PLOD1: variants seen among roughly 807,000 people sequenced by gnomAD.
The protein encoded by PLOD1 is lysine hydroxylase.
In PLOD1, 70 loss-of-function variants were observed where a neutral mutation model predicts 94.7. That is an observed-to-expected ratio of 0.74 (90% confidence interval 0.61 to 0.90). The LOEUF (loss-of-function observed/expected upper bound fraction) is 0.90, where lower values mean the gene tolerates loss of function less well. PLOD1 is among the 40% of genes least tolerant of loss of function. The pLI is 0.00. For missense variants in PLOD1, 905 were observed against 972.7 expected, an observed-to-expected ratio of 0.93 and a Z score of 0.93; for synonymous variants, 417 against 400.2, an observed-to-expected ratio of 1.04 and a Z score of -0.50.
In PLOD1 at chr1:11,946,415, A is replaced by G. The variant is rs527455363; in HGVS notation, c.77-1561A>G. 5.3e-5 allele frequency among the ~76,000 whole-genome samples: 8 copies of G among 152,310 alleles called. No homozygotes were observed. The South Asian group carries it at 1.7e-3, about 32-fold the overall frequency. On this transcript the variant is annotated intron_variant, in intron 1 of 18. Coordinates refer to ENST00000196061, the MANE Select transcript of PLOD1 (RefSeq NM_000302.4). ...TGCCCTGGCCAAAGGTCAGCAGTGG[A>G]CCAGTAGATTTCAAGTCAGTTTCCA...
At chr1:11,938,417 G>T (rs952911363) in intron 1 of PLOD1, among the ~76,000 whole-genome samples, 8 of 152,132 alleles carry the variant, frequency 5.3e-5, no homozygotes. Context: ...GGACGGGAAG[G>T]GGGTGCTGTT....
At chr1:11,962,704 G>A (rs927338918) in intron 10 of PLOD1, among the ~76,000 whole-genome samples, 1 of 152,034 alleles carries the variant, frequency 6.6e-6, no homozygotes, top group Non-Finnish European at 1.5e-5. Flanking sequence ...AGCTATGATT[G>A]TGCATTCCAG....
intron 1 of PLOD1, among the ~76,000 whole-genome samples, chr1:11,944,320 G>A (rs1645634290): frequency 6.6e-6 from 1 of 151,980 alleles, no homozygotes; most frequent in South Asian, 2.1e-4. Flanking sequence ...AGGAACCTGA[G>A]AAAGGGGCTT....
intron 18 of PLOD1, 109 bp from the exon 19 acceptor site, chr1:11,974,544 C>A (rs1645889741): frequency 1.9e-6 from 2 of 1,076,892 alleles, no homozygotes; most frequent in Non-Finnish European, 2.8e-6. Flanking sequence ...GAAGGCATCC[C>A]CAGGCAGGCA....
At chr1:11,945,085 C>T (rs1394708629) in intron 1 of PLOD1, among the ~76,000 whole-genome samples, 1 of 152,114 alleles carries the variant, frequency 6.6e-6, no homozygotes, top group Non-Finnish European at 1.5e-5. Flanking sequence ...GTGGAAGGGA[C>T]GTCATTGTCA....
chr1:11,937,408 C>T (rs905868172), intron 1 of PLOD1, among the ~76,000 whole-genome samples: 1 of 152,206 alleles, frequency 6.6e-6, no homozygotes, highest in Admixed American at 6.5e-5. Flanking sequence ...TGCTGGCTTA[C>T]AGCAGGGCAG....
chr1:11,951,883 C>T (rs1645705527), intron 4 of PLOD1, among the ~76,000 whole-genome samples: 1 of 152,044 alleles, frequency 6.6e-6, no homozygotes, highest in Non-Finnish European at 1.5e-5. Context: ...CGTGCCACTG[C>T]ACTCCAGCCT....
At chr1:11,948,954 C>T (rs532035764) in intron 2 of PLOD1, among the ~76,000 whole-genome samples, 1 of 152,140 alleles carries the variant, frequency 6.6e-6, no homozygotes, top group African/African-American at 2.4e-5. Context: ...AATCTAGTGG[C>T]ATTAAGTCAG....
chr1:11,967,616 A>ATATCTATATATATATATATATAT (rs35226154), intron 16 of PLOD1, among the ~76,000 whole-genome samples: 1 of 75,144 alleles, frequency 1.3e-5, no homozygotes, highest in Non-Finnish European at 2.4e-5. Flanking sequence ...TATATATATA[A>ATATCTATATATATATATATATAT]AAAGAAATAT....
chr1:11,949,964 TA>T, intron 3 of PLOD1, 58 bp downstream of exon 3: 1 of 1,561,210 alleles, frequency 6.4e-7, no homozygotes, highest in Non-Finnish European at 8.8e-7. Flanking sequence ...AAGAATATTC[TA>T]AAATGAGGCC....
chr1:11,965,356 T>C (rs1162616535), intron 13 of PLOD1, 124 bp from the exon 14 acceptor site: 4 of 688,606 alleles, frequency 5.8e-6, no homozygotes, highest in East Asian at 2.7e-5. Flanking sequence ...GTCTCTGATA[T>C]TGGGAACTTC....
chr1:11,934,837 G>A lies in PLOD1; in HGVS notation c.58G>A (p.Gly20Ser). ...CTGGCTGCTGCTGGCCGAAGCGAAGGGCGACGCCAAGCCGGAGGGTGAGGG... is the reference window on the plus strand; with the variant it reads ...CTGGCTGCTGCTGGCCGAAGCGAAGAGCGACGCCAAGCCGGAGGGTGAGGG... ...LGWLLLAEAKGDAKPEDNLLV... is the reference protein window; with the variant it reads ...LGWLLLAEAKSDAKPEDNLLV... Residue 20 changes from glycine to serine, a missense_variant, in exon 1 of 19, where the codon GGC becomes AGC. Coordinates refer to ENST00000196061, the MANE Select transcript of PLOD1 (RefSeq NM_000302.4). 6.5e-7 allele frequency: 1 copy of A among 1,539,916 alleles called. No homozygotes were observed.
At chr1:11,968,748 T>C (rs1645840159) in intron 16 of PLOD1, among the ~76,000 whole-genome samples, 3 of 151,748 alleles carry the variant, frequency 2.0e-5, no homozygotes, top group African/African-American at 7.3e-5. Context: ...CCTGACCTCA[T>C]GTTGTGATCC....
At chr1:11,960,612 A>AC in intron 9 of PLOD1, 34 bp from the exon 10 acceptor site, 6 of 1,425,416 alleles carry the variant, frequency 4.2e-6, no homozygotes, top group Non-Finnish European at 5.9e-6. Context: ...CCTCCTCCTC[A>AC]CCCCCGCATC....
At chr1:11,949,416 T>A (rs371277921) in intron 2 of PLOD1, among the ~76,000 whole-genome samples, 3 of 151,984 alleles carry the variant, frequency 2.0e-5, no homozygotes, top group East Asian at 3.9e-4. Flanking sequence ...AGCAAAAAAA[T>A]TATTTCTTTT....
At chr1:11,966,349 T>C in intron 15 of PLOD1, 33 bp downstream of exon 15, 2 of 1,525,260 alleles carry the variant, frequency 1.3e-6, no homozygotes, top group Non-Finnish European at 1.8e-6. Context: ...TGGACCAGCC[T>C]TGCCTGCTGC....
chr1:11,963,636 A>G lies in PLOD1; in HGVS notation c.1202A>G (p.Lys401Arg). 6.3e-7 allele frequency: 1 copy of G among 1,584,024 alleles called. No individual in the cohort carries two copies. ...CTGCGGCTGCTGATCCAACAGAACA[A>G]GTGAGGCTGCTCCGTCTGCACCCAG... ...NSLRLLIQQN[K>R]NVIAPLMTRH... The change falls in exon 11 of 19, where the codon AAG becomes AGG. Residue 401 changes from lysine to arginine, a missense_variant and splice_region_variant. By Grantham distance (26) the Lys-to-Arg change is conservative. Coordinates refer to ENST00000196061, the MANE Select transcript of PLOD1 (RefSeq NM_000302.4). This position sits in a 1 kb window ranked among gnomAD's most constrained non-coding sequence, Gnocchi z 4.3.
chr1:11,950,621 G>A, intron 4 of PLOD1, 101 bp downstream of exon 4: 1 of 1,022,122 alleles, frequency 9.8e-7, no homozygotes, highest in South Asian at 1.4e-5. Flanking sequence ...GTGTCTCACA[G>A]GTCTCCAGTG....
Position 11,963,383 on chromosome 1 carries a change from G to A in PLOD1, c.1098-149G>A. ...CAGCAGTCCAGGGGTTTGGGACTCA[G>A]AGTCGGGAGGAACCTTTGAGGCTGC... On this transcript the variant is annotated intron_variant, in intron 10 of 18. Coordinates refer to ENST00000196061, the MANE Select transcript of PLOD1 (RefSeq NM_000302.4). This position sits in a 1 kb window ranked among gnomAD's most constrained non-coding sequence, Gnocchi z 4.3. 1 of 675,366 alleles carries A rather than the reference G, an allele frequency of 1.5e-6. No individual in the cohort carries two copies. The highest frequency in any genetic ancestry group is 2.7e-6 in the Non-Finnish European group (1 of 368,124). 41.8% of individuals were successfully genotyped at this position (675,366 alleles called of 1,614,324 possible).
Sources: allele counts gnomAD v4.1 joint callset (sites outside exome capture counted in the v4.1 genomes callset), GRCh38; gene constraint gnomAD v4.1.1; non-coding constraint Gnocchi (gnomAD v3.1); transcripts MANE v1.5; gene names NCBI Gene and HGNC (gene_info 2026-07-23, HGNC 2026-07-21).